ADAR: variants seen among roughly 807,000 people sequenced by gnomAD.
ADAR encodes adenosine deaminase RNA specific.
ADAR carries 41 observed loss-of-function variants against 113.2 expected under a neutral mutation model. The observed-to-expected ratio is 0.36, with a 90% CI of 0.28 to 0.47. The LOEUF is 0.47. ADAR is among the 20% of genes least tolerant of loss of function. The pLI is 1.00. For missense variants in ADAR, 1,242 were observed against 1,540.9 expected, an observed-to-expected ratio of 0.81 and a Z score of 3.25; for synonymous variants, 605 against 572.6, an observed-to-expected ratio of 1.06 and a Z score of -0.81.
intron 1 of ADAR, among the ~76,000 whole-genome samples, chr1:154,603,348 G>C (rs1698003678): frequency 6.6e-6 from 1 of 152,164 alleles, no homozygotes; most frequent in African/African-American, 2.4e-5. Flanking sequence ...CAGGGAGCTG[G>C]AGGGTTTCCT....
chr1:154,598,127 C>A (rs1697626384), intron 3 of ADAR, 151 bp from the exon 4 acceptor site: 9 of 976,098 alleles, frequency 9.2e-6, no homozygotes. Context: ...AGCTCTCATT[C>A]CGCATCTTCC....
At chr1:154,611,723 GC>G (rs1441125082), upstream of ADAR, among the ~76,000 whole-genome samples, 1 of 152,126 alleles carries the variant, frequency 6.6e-6, no homozygotes. Flanking sequence ...ATAAAGAATG[GC>G]TCACCTCCCC....
rs77702602 is a variant in ADAR at position 154,606,945 on chromosome 1, A to T, written c.15+1047T>A. ...TTTCAAAGGAGTGCTTAAAAAAAAA[A>T]AAATATATATATATCTTAACAAAAT... On this transcript the variant is annotated intron_variant, in intron 1 of 14. Transcript: ENST00000368474. 5.6e-3 allele frequency among the ~76,000 whole-genome samples: 461 copies of T among 81,954 alleles called. 1 individual carries two copies. The highest frequency in any genetic ancestry group is 0.016 in the South Asian group (49 of 3,032). 53.8% of individuals were successfully genotyped at this position (81,954 alleles called of 152,430 possible).
chr1:154,599,750 G>C (rs1374812945), intron 2 of ADAR, among the ~76,000 whole-genome samples: 1 of 152,208 alleles, frequency 6.6e-6, no homozygotes, highest in Non-Finnish European at 1.5e-5. Context: ...TCCTCAATCT[G>C]TCCACTGGCC....
intron 2 of ADAR, among the ~76,000 whole-genome samples, chr1:154,599,969 CCTGCTGCTG>C (rs1306295660): frequency 1.3e-5 from 2 of 152,190 alleles, no homozygotes; most frequent in Admixed American, 6.5e-5. Context: ...GGATTGTGGA[CCTGCTGCTG>C]CTTAGCAGCA....
At chr1:154,608,244 G>GGGGCTTGAGCAAATCTTGCGCC (rs1553215577), upstream of ADAR, 2 of 529,088 alleles carry the variant, frequency 3.8e-6, no homozygotes, top group Non-Finnish European at 6.5e-6. Flanking sequence ...GCCAAGAGGA[G>GGGGCTTGAGCAAATCTTGCGCC]GGGCTTGAGC....
intron 3 of ADAR, among the ~76,000 whole-genome samples, 153 bp from the exon 4 acceptor site, chr1:154,598,129 G>A (rs781212805): frequency 7.9e-5 from 12 of 152,172 alleles, no homozygotes; most frequent in Admixed American, 2.0e-4. Flanking sequence ...CTCTCATTCC[G>A]CATCTTCCAA....
chr1:154,594,697 AG>A (rs1005167342), intron 6 of ADAR, among the ~76,000 whole-genome samples: 2 of 152,180 alleles, frequency 1.3e-5, no homozygotes, highest in Non-Finnish European at 2.9e-5. Flanking sequence ...TACTTTCTGG[AG>A]GGTAAGTGCA....
intron 1 of ADAR, among the ~76,000 whole-genome samples, chr1:154,626,344 A>G (rs1698938507): frequency 6.6e-6 from 1 of 151,938 alleles, no homozygotes; most frequent in Non-Finnish European, 1.5e-5. Flanking sequence ...CGAACTCCTG[A>G]CCTCACATGA....
chr1:154,615,616 G>C (rs1369206765), intron 1 of ADAR, among the ~76,000 whole-genome samples: 3 of 151,708 alleles, frequency 2.0e-5, no homozygotes, highest in Non-Finnish European at 4.4e-5. Flanking sequence ...GCCGCACTAT[G>C]TTGCCCAGGC....
chr1:154,589,576 C>G, intron 8 of ADAR, 114 bp from the exon 9 acceptor site: 1 of 1,195,890 alleles, frequency 8.4e-7, no homozygotes, highest in Non-Finnish European at 1.2e-6. Context: ...TTTCTCAGAT[C>G]CTAGACTCCC....
At chr1:154,616,501 C>T (rs1698639193) in intron 1 of ADAR, among the ~76,000 whole-genome samples, 1 of 152,114 alleles carries the variant, frequency 6.6e-6, no homozygotes, top group East Asian at 1.9e-4. Flanking sequence ...ATGATTTGCC[C>T]TTCAGATCTC....
At chr1:154,609,991 C>A (rs1246984023), upstream of ADAR, among the ~76,000 whole-genome samples, 1 of 152,018 alleles carries the variant, frequency 6.6e-6, no homozygotes, top group Non-Finnish European at 1.5e-5. Context: ...AATAACAGAC[C>A]CCTCAGTAGG....
chr1:154,612,595 G>A (rs1437655396), upstream of ADAR, among the ~76,000 whole-genome samples: 1 of 151,922 alleles, frequency 6.6e-6, no homozygotes, highest in Non-Finnish European at 1.5e-5. Flanking sequence ...CCAAAGTGCT[G>A]GGATTACAGG....
chr1:154,626,303 C>T (rs1698937735), intron 1 of ADAR, among the ~76,000 whole-genome samples: 1 of 151,686 alleles, frequency 6.6e-6, no homozygotes, highest in Non-Finnish European at 1.5e-5. Context: ...TTAGTAGAGA[C>T]GGGGTTTCAC....
intron 1 of ADAR, among the ~76,000 whole-genome samples, chr1:154,625,951 C>G (rs1359762730): frequency 1.5e-5 from 2 of 133,868 alleles, no homozygotes; most frequent in Non-Finnish European, 3.1e-5. Flanking sequence ...TTGCAGTGAG[C>G]TGAGATCGCA....
At position 154,590,244 on chromosome 1, in the gene ADAR, C is replaced by T. The variant is rs2101588401; in HGVS notation, c.2436G>A (p.Gly812=). Residue 812 remains glycine (G), a synonymous_variant, in exon 7 of 15, where the codon GGG becomes GGA. Transcript: ENST00000368474. The part of the protein sequence containing the change: ...MGFTEVTPVT[G]ASLRRTMLLL... ...GGAGCATAGTTCTTCTGAGACTGGC[C>T]CCTGTCACTGGGGTTACCTCTGTGA... The T allele has an allele frequency of 1.2e-6, 2 of 1,613,526 alleles. No homozygotes were observed. The highest frequency in any genetic ancestry group is 1.7e-6 in the Non-Finnish European group (2 of 1,179,914).
At chr1:154,585,687 CCT>C (rs1166636819) in intron 13 of ADAR, 64 bp downstream of exon 13, 11 of 1,378,768 alleles carry the variant, frequency 8.0e-6, no homozygotes, top group East Asian at 6.9e-5. Context: ...GTACATTTTT[CCT>C]CTGTTTACAT....
In ADAR at chr1:154,619,923, C is replaced by G. The variant is rs769613784; in HGVS notation, c.-871+7932G>C. Among the ~76,000 whole-genome samples, 127 of 152,280 alleles carry G rather than the reference C, an allele frequency of 8.3e-4. 1 individual carries two copies. The highest frequency in any genetic ancestry group is 6.8e-3 in the Middle Eastern group (2 of 294). On this transcript the variant is annotated intron_variant, in intron 1 of 14. Transcript: ENST00000368471. ...TAAGGCTAGACCCAGCATTTATACT[C>G]CTGGGTACTTACCCAAGAAAAATGG...
Sources: allele counts gnomAD v4.1 joint callset (sites outside exome capture counted in the v4.1 genomes callset), GRCh38; gene constraint gnomAD v4.1.1; transcripts MANE v1.5; gene names NCBI Gene and HGNC (gene_info 2026-07-23, HGNC 2026-07-21).